ECPAS: variants seen among roughly 807,000 people sequenced by gnomAD.
ECPAS encodes Ecm29 proteasome adaptor and scaffold, also known as proteasome adapter and scaffold protein ECM29.
A neutral mutation model predicts 255.1 loss-of-function variants in ECPAS; 70 were observed. The ratio of observed to expected loss-of-function variants is 0.27; its 90% CI spans 0.23 to 0.33. The LOEUF (loss-of-function observed/expected upper bound fraction) is 0.33, where lower values mean the gene tolerates loss of function less well. ECPAS is among the 10% of genes least tolerant of loss of function. The probability of loss-of-function intolerance (pLI) is 1.00; values close to 1 mark genes in which losing one functional copy is unlikely to be tolerated. For missense variants in ECPAS, 1,817 were observed against 2,206.4 expected (o/e 0.82, Z 3.54); for synonymous variants, 784 against 775.0 (o/e 1.01, Z -0.19).
intron 48 of ECPAS, chr9:111,365,753 G>A (rs1470632009): frequency 6.5e-6 from 1 of 152,952 alleles, no homozygotes; most frequent in Non-Finnish European, 1.5e-5. Flanking sequence ...TTAAAAAACT[G>A]CATCCATGTT....
chr9:111,411,977 A>G (rs749746146), intron 21 of ECPAS, 37 bp downstream of exon 21: 5 of 1,484,946 alleles, frequency 3.4e-6, no homozygotes, highest in Admixed American at 5.5e-5. Context: ...ATAAAACCCT[A>G]TCTCCCACAA....
intron 24 of ECPAS, among the ~76,000 whole-genome samples, chr9:111,405,874 A>G (rs1409039119): frequency 6.7e-6 from 1 of 149,738 alleles, no homozygotes; most frequent in Non-Finnish European, 1.5e-5. Flanking sequence ...GCCATTATCA[A>G]GAAGACAGAA....
chr9:111,384,718 CAG>C (rs1298409689), intron 33 of ECPAS, 149 bp from the exon 34 acceptor site: 5 of 667,314 alleles, frequency 7.5e-6, no homozygotes, highest in Non-Finnish European at 5.3e-6. Flanking sequence ...GGTATCTCAT[CAG>C]ACTCTCTGCC....
intron 19 of ECPAS, 39 bp from the exon 20 acceptor site, chr9:111,414,025 A>G (rs1186406243): frequency 1.5e-6 from 2 of 1,375,246 alleles, no homozygotes; most frequent in Non-Finnish European, 2.0e-6. Flanking sequence ...TTTCAAGAAA[A>G]GTAATGAACA....
At chr9:111,401,007 A>T (rs2098175126) in intron 24 of ECPAS, among the ~76,000 whole-genome samples, 1 of 152,240 alleles carries the variant, frequency 6.6e-6, no homozygotes. Context: ...GAGGATCCTC[A>T]AAGTACCAAG....
At position 111,371,787 on chromosome 9, in the gene ECPAS, G is replaced by T; in HGVS notation, c.4571C>A (p.Thr1524Asn). The T allele has an allele frequency of 6.2e-7, 1 of 1,613,814 alleles. No homozygotes were observed. Among genetic ancestry groups the T allele is most frequent in the Non-Finnish European group, 8.5e-7 (1 of 1,179,774 alleles). The change falls in exon 43 of 50, where the codon ACT becomes AAT. Residue 1524 changes from threonine (T) to asparagine (N), a missense_variant. This residue lies in a region of ECPAS where 960 missense variants were observed against 1,179.0 expected (regional missense o/e 0.81). Coordinates refer to ENST00000684092, the MANE Select transcript of ECPAS (RefSeq NM_001364929.1). The stretch of plus-strand genomic sequence containing the variant: ...AGACTGCAAAGCCTTCTGGGTAATA[G>T]TAATTAACTCCTGCAGGTATAATCG... ...GIRLYLQELI[T>N]ITQKALQSQS...
intron 7 of ECPAS, among the ~76,000 whole-genome samples, chr9:111,436,511 C>A (rs1300365154): frequency 6.6e-6 from 1 of 152,118 alleles, no homozygotes; most frequent in Non-Finnish European, 1.5e-5. Context: ...AGTGCTGGGG[C>A]TCCTCACTTT....
rs749856712 is a variant in ECPAS, at chr9:111,371,722, C to T, written c.4636G>A (p.Ala1546Thr). 14 of 1,613,578 alleles carry T rather than the reference C, an allele frequency of 8.7e-6. No individual in the cohort carries two copies. Among genetic ancestry groups the T allele is most frequent in the Non-Finnish European group, 1.1e-5 (13 of 1,179,558 alleles). The change falls in exon 43 of 50, where the codon GCA becomes ACA. Residue 1546 changes from alanine to threonine, a missense_variant. Ala to Thr is a moderately conservative substitution (Grantham distance 58). Transcript: ENST00000684092. The stretch of plus-strand genomic sequence containing the variant: ...GAGCTAGTCTGTTTTGCAATTGATG[C>T]CATGGCAATTGCACCCTGGGCTTTC... ...KMKAQGAIAM[A>T]SIAKQTSSLV...
chr9:111,442,236 G>T, intron 5 of ECPAS, 70 bp downstream of exon 5: 1 of 994,950 alleles, frequency 1.0e-6, no homozygotes. Context: ...AACCAAATAT[G>T]TGAATTAATA....
rs1491573712 is a variant in ECPAS at position 111,362,175 on chromosome 9, T to TG, written c.5381-7dup. ...ACATTCCCACTGTTTAGATTCTGCA[T>TG]GAAAAAAAAAAAACAAAAACAAAAA... is the stretch of plus-strand genomic sequence containing the variant. On this transcript the variant is annotated splice_region_variant and splice_polypyrimidine_tract_variant and intron_variant, in intron 49 of 49. Coordinates refer to ENST00000684092, the MANE Select transcript of ECPAS (RefSeq NM_001364929.1). 7.0e-7 allele frequency: 1 copy of TG among 1,422,070 alleles called. No homozygotes were observed. Among genetic ancestry groups the TG allele is most frequent in the East Asian group, 2.6e-5 (1 of 38,112 alleles). The allele number at this position is 1,422,070 out of a possible 1,614,324, so 88.1% of individuals were successfully genotyped here. A position where few individuals can be genotyped will look rare whatever the true frequency, so the allele number is the denominator to read the frequency against.
Position 111,472,929 on chromosome 9 carries a change from A to G in ECPAS, c.-11T>C, listed in dbSNP as rs1483802794. Reference sequence around the variant, plus strand: ...ATCAATGTGATACATGGTTTATCCAATCTTGACAAAAATCCTCGGGATCAC... The same window carrying G: ...ATCAATGTGATACATGGTTTATCCAGTCTTGACAAAAATCCTCGGGATCAC... On this transcript the variant is annotated 5_prime_UTR_variant, in exon 2 of 50. Coordinates refer to ENST00000684092, the MANE Select transcript of ECPAS (RefSeq NM_001364929.1). 5 of 1,250,436 alleles carry G rather than the reference A, an allele frequency of 4.0e-6. No homozygotes were observed. Among genetic ancestry groups the G allele is most frequent in the Middle Eastern group, 2.2e-4 (1 of 4,558 alleles). 77.5% of individuals were successfully genotyped at this position (1,250,436 alleles called of 1,614,324 possible). A position where few individuals can be genotyped will look rare whatever the true frequency, so the allele number is the denominator to read the frequency against.
chr9:111,369,752 A>G (rs1165640868), intron 45 of ECPAS, among the ~76,000 whole-genome samples: 1 of 150,886 alleles, frequency 6.6e-6, no homozygotes, highest in African/African-American at 2.4e-5. Flanking sequence ...TGGGGGGGGG[A>G]CCAGTGCCCA....
In ECPAS at chr9:111,458,266, G is replaced by A. The variant is rs372196487; in HGVS notation, c.23-6711C>T. Among the ~76,000 whole-genome samples, 4 of 152,184 alleles carry A rather than the reference G, an allele frequency of 2.6e-5. No individual in the cohort carries two copies. The East Asian group carries it at 5.8e-4, about 22-fold the overall frequency. On this transcript the variant is annotated intron_variant, in intron 2 of 49. Transcript: ENST00000684092. ...AGGTTATTAATGAACTTGTCTATTA[G>A]GAACAGCATAAGATTGCTTCATAAG...
chr9:111,457,422 G>C (rs1175223111), intron 2 of ECPAS, among the ~76,000 whole-genome samples: 1 of 152,174 alleles, frequency 6.6e-6, no homozygotes, highest in African/African-American at 2.4e-5. Flanking sequence ...GAGAATATGG[G>C]AGAGATTAGG....
chr9:111,443,953 C>T (rs1172306044), intron 4 of ECPAS, among the ~76,000 whole-genome samples: 1 of 152,158 alleles, frequency 6.6e-6, no homozygotes, highest in Non-Finnish European at 1.5e-5. Context: ...ATCAAAAACA[C>T]AAAAGATTTT....
At chr9:111,388,504 A>C (rs1036250607) in intron 31 of ECPAS, among the ~76,000 whole-genome samples, 3 of 151,688 alleles carry the variant, frequency 2.0e-5, no homozygotes, top group Admixed American at 6.6e-5. Context: ...AAGGGGCCAC[A>C]TTACGGGCAG....
In ECPAS at chr9:111,405,623, G is replaced by A. The variant is rs1264945696; in HGVS notation, c.2652+2948C>T. On this transcript the variant is annotated intron_variant, in intron 24 of 49. Coordinates refer to ENST00000684092, the MANE Select transcript of ECPAS (RefSeq NM_001364929.1). Reference sequence around the variant, plus strand: ...TGAAGAGACAACCTATGGCATAGACGAAAATATCTGCAAATTATCCATCTG... The same window carrying A: ...TGAAGAGACAACCTATGGCATAGACAAAAATATCTGCAAATTATCCATCTG... Among the ~76,000 whole-genome samples the A allele has an allele frequency of 2.0e-5, 3 of 149,852 alleles. 1 individual carries two copies. Among genetic ancestry groups the A allele is most frequent in the African/African-American group, 7.6e-5 (3 of 39,522 alleles).
At chr9:111,449,312 TTAAAACTTTGGTAGTAA>T (rs2098257234) in intron 3 of ECPAS, among the ~76,000 whole-genome samples, 1 of 152,024 alleles carries the variant, frequency 6.6e-6, no homozygotes, top group Admixed American at 6.6e-5. Flanking sequence ...CATTAAAAGG[TTAAAACTTTGGTAGTAA>T]TAAAACCAGA....
rs556156238 is a variant in ECPAS at position 111,453,659 on chromosome 9, G to A, written c.23-2104C>T. Reference sequence around the variant, plus strand: ...GTAAGAAGGTAAACCTCATGATGTCGTGCAGATATCACGTGTCCCTGAAAT... The same window carrying A: ...GTAAGAAGGTAAACCTCATGATGTCATGCAGATATCACGTGTCCCTGAAAT... On this transcript the variant is annotated intron_variant, in intron 2 of 49. Coordinates refer to ENST00000684092, the MANE Select transcript of ECPAS (RefSeq NM_001364929.1). Among the ~76,000 whole-genome samples, 38 of 152,228 alleles carry A rather than the reference G, an allele frequency of 2.5e-4. No homozygotes were observed. The East Asian group carries it at 6.6e-3, about 26-fold the overall frequency.
Sources: allele counts gnomAD v4.1 joint callset (sites outside exome capture counted in the v4.1 genomes callset), GRCh38; gene constraint gnomAD v4.1.1; regional missense constraint gnomAD v4.1.1; transcripts MANE v1.5; gene names NCBI Gene and HGNC (gene_info 2026-07-23, HGNC 2026-07-21).